KIF5A: variants seen among roughly 807,000 people sequenced by gnomAD.
KIF5A encodes kinesin heavy chain isoform 5A.
KIF5A carries 35 observed loss-of-function variants against 141.3 expected under a neutral mutation model. The observed-to-expected ratio is 0.25, with a 90% CI of 0.19 to 0.33. KIF5A has a LOEUF of 0.33. Ranked by LOEUF, KIF5A falls within the 10% of genes least tolerant of loss-of-function variation. The pLI is 1.00. For missense variants in KIF5A, 861 were observed against 1,314.3 expected, an observed-to-expected ratio of 0.66 and a Z score of 5.33; for synonymous variants, 448 against 500.2, an observed-to-expected ratio of 0.90 and a Z score of 1.39.
intron 1 of KIF5A, among the ~76,000 whole-genome samples, chr12:57,561,638 A>G (rs975235066): frequency 7.9e-5 from 12 of 152,306 alleles, no homozygotes; most frequent in African/African-American, 2.9e-4. Context: ...AAGAAATATA[A>G]AGAAGAAAAG....
intron 19 of KIF5A, 54 bp from the exon 20 acceptor site, chr12:57,576,706 TC>T (rs1244336289): frequency 1.5e-6 from 2 of 1,301,514 alleles, no homozygotes; most frequent in Non-Finnish European, 2.2e-6. Flanking sequence ...GGCCTTCCCT[TC>T]CCCCTCATTA....
At chr12:57,567,460 T>C in intron 7 of KIF5A, 34 bp from the exon 8 acceptor site, 2 of 1,610,880 alleles carry the variant, frequency 1.2e-6, no homozygotes, top group Admixed American at 1.7e-5. Flanking sequence ...TTCTGCAGGG[T>C]GGTGCAGGTC....
intron 1 of KIF5A, among the ~76,000 whole-genome samples, chr12:57,556,207 C>T (rs538396489): frequency 4.2e-4 from 63 of 151,354 alleles, no homozygotes; most frequent in Non-Finnish European, 7.2e-4. Context: ...GGCGCGATCT[C>T]GGCTCACTGG....
chr12:57,570,341 T>G (rs1882212692), intron 12 of KIF5A, among the ~76,000 whole-genome samples, 179 bp downstream of exon 12: 1 of 152,240 alleles, frequency 6.6e-6, no homozygotes, highest in African/African-American at 2.4e-5. Flanking sequence ...TATTCAGAGA[T>G]AACACTCAAC....
At position 57,550,123 on chromosome 12, in the gene KIF5A, T is replaced by A; in HGVS notation, c.-149T>A. The A allele has an allele frequency of 9.2e-7, 1 of 1,081,092 alleles. No individual in the cohort carries two copies. The highest frequency in any genetic ancestry group is 1.3e-5 in the South Asian group (1 of 77,958). 67.0% of individuals were successfully genotyped at this position (1,081,092 alleles called of 1,614,324 possible). ...GAGAGACAGCGCGCCCCGGCCCTGC[T>A]CCCCAGGCTTCGCCCGGGCGCCCTC... On this transcript the variant is annotated 5_prime_UTR_variant, in exon 1 of 29. Coordinates refer to ENST00000455537, the MANE Select transcript of KIF5A (RefSeq NM_004984.4). The surrounding 1 kb of genome is among the most constrained non-coding windows in gnomAD (Gnocchi z 4.6).
chr12:57,578,142 C>T (rs1882483420), intron 22 of KIF5A, 62 bp downstream of exon 22: 1 of 1,585,530 alleles, frequency 6.3e-7, no homozygotes, highest in Non-Finnish European at 8.7e-7. Context: ...TAGGTTTCTC[C>T]TGCCCCTGTT....
intron 15 of KIF5A, among the ~76,000 whole-genome samples, chr12:57,573,991 G>A (rs1157312518): frequency 5.3e-5 from 8 of 151,280 alleles, no homozygotes; most frequent in Non-Finnish European, 5.9e-5. Context: ...GCTGAGGCAG[G>A]AGAATGGCGT....
chr12:57,576,686 T>C (rs1882436629), intron 19 of KIF5A, 75 bp from the exon 20 acceptor site: 4 of 1,101,724 alleles, frequency 3.6e-6, no homozygotes, highest in East Asian at 4.7e-5. Flanking sequence ...AGGAAGAAGT[T>C]TGAAGAGCTG....
intron 1 of KIF5A, among the ~76,000 whole-genome samples, chr12:57,556,144 CT>C (rs368957966): frequency 1.8e-4 from 26 of 144,112 alleles, no homozygotes; most frequent in Middle Eastern, 3.6e-3. Context: ...TCTTGGGTAT[CT>C]TTTTTTTTTT....
intron 13 of KIF5A, 62 bp from the exon 14 acceptor site, chr12:57,571,999 C>T: frequency 6.9e-7 from 1 of 1,456,940 alleles, no homozygotes; most frequent in South Asian, 1.2e-5. Flanking sequence ...TTCCCAGACC[C>T]AAGGCCATAG....
intron 12 of KIF5A, among the ~76,000 whole-genome samples, chr12:57,570,862 C>T (rs968587806): frequency 2.6e-5 from 4 of 152,006 alleles, no homozygotes; most frequent in Non-Finnish European, 5.9e-5. Context: ...GCAGTAATAG[C>T]TCACTGCAAC....
Position 57,581,415 on chromosome 12 carries a change from C to T in KIF5A, c.2756C>T (p.Ala919Val). 6.2e-7 allele frequency: 1 copy of T among 1,613,820 alleles called. No homozygotes were observed. Among genetic ancestry groups the T allele is most frequent in the Non-Finnish European group, 8.5e-7 (1 of 1,180,032 alleles). Residue 919 changes from alanine (A) to valine (V), a missense_variant and splice_region_variant, in exon 25 of 29, where the codon GCC becomes GTC. Physicochemically the swap from Ala to Val is moderately conservative, Grantham distance 64 (BLOSUM62 0). This residue lies in a region of KIF5A where 482 missense variants were observed against 661.3 expected (regional missense o/e 0.73). Transcript: ENST00000455537. ...TGGTTGTTTTCTTTCTTTATTGCAG[C>T]CAAACCCGTCCGGCCTGGCCACTAC... ...SGKRGHSAQI[A>V]KPVRPGHYPA...
intron 23 of KIF5A, 51 bp downstream of exon 23, chr12:57,578,393 C>T (rs1323163274): frequency 8.0e-7 from 1 of 1,245,044 alleles, no homozygotes; most frequent in Non-Finnish European, 1.2e-6. Flanking sequence ...GGGTAGCTAG[C>T]ATACCAAATC....
chr12:57,563,629 C>G lies in KIF5A; in HGVS notation c.227C>G (p.Ala76Gly). The change falls in exon 3 of 29, where the codon GCT becomes GGT. Residue 76 changes from alanine (A) to glycine (G), a missense_variant. Transcript: ENST00000455537. ...CTACTGTCTCTTCCAGATGTCCTTG[C>G]TGGCTACAATGGCACCATTTTTGCT... ...CAMQIVKDVL[A>G]GYNGTIFAYG... 6.2e-7 allele frequency: 1 copy of G among 1,614,118 alleles called. No individual in the cohort carries two copies. Among genetic ancestry groups the G allele is most frequent in the Non-Finnish European group, 8.5e-7 (1 of 1,179,964 alleles).
intron 16 of KIF5A, 64 bp from the exon 17 acceptor site, chr12:57,575,576 C>G: frequency 7.6e-7 from 1 of 1,321,080 alleles, no homozygotes; most frequent in Non-Finnish European, 1.1e-6. Context: ...AGTTGGAGAT[C>G]TGTGTGGCCT....
chr12:57,561,777 A>T (rs1881915641), intron 1 of KIF5A, among the ~76,000 whole-genome samples: 1 of 152,238 alleles, frequency 6.6e-6, no homozygotes, highest in Admixed American at 6.5e-5. Flanking sequence ...TCTCTCCTCA[A>T]AGTAACCACT....
chr12:57,569,145 C>T (rs1276440519), intron 9 of KIF5A, 78 bp downstream of exon 9: 26 of 1,550,670 alleles, frequency 1.7e-5, no homozygotes, highest in Non-Finnish European at 2.3e-5. Flanking sequence ...ACCATATGAT[C>T]ATGCCCCAAT....
chr12:57,551,181 C>T (rs778083446), intron 1 of KIF5A, among the ~76,000 whole-genome samples: 62 of 152,228 alleles, frequency 4.1e-4, no homozygotes, highest in Middle Eastern at 3.4e-3. Context: ...TCCAGCTCTA[C>T]CTCATCATGA....
chr12:57,550,525 TC>T lies in KIF5A; in HGVS notation c.129+129del. 2 of 918,946 alleles carry T rather than the reference TC, an allele frequency of 2.2e-6. No homozygotes were observed. Among genetic ancestry groups the T allele is most frequent in the Admixed American group, 2.2e-5 (1 of 45,940 alleles). The allele number at this position is 918,946 out of a possible 1,614,324, so 56.9% of individuals were successfully genotyped here. ...CCCCGCCGCTCATCCTTCATCCTCT[TC>T]CCCGCAGCCCCTCCTCTCCCCTGCA... On this transcript the variant is annotated intron_variant, in intron 1 of 28. Coordinates refer to ENST00000455537, the MANE Select transcript of KIF5A (RefSeq NM_004984.4). The surrounding 1 kb of genome is among the most constrained non-coding windows in gnomAD (Gnocchi z 4.6).
Sources: allele counts gnomAD v4.1 joint callset (sites outside exome capture counted in the v4.1 genomes callset), GRCh38; gene constraint gnomAD v4.1.1; regional missense constraint gnomAD v4.1.1; non-coding constraint Gnocchi (gnomAD v3.1); transcripts MANE v1.5; gene names NCBI Gene and HGNC (gene_info 2026-07-23, HGNC 2026-07-21).